Variants in MLIP observed in about 807,000 individuals in gnomAD.
The protein encoded by MLIP is muscular LMNA interacting protein.
MLIP carries 79 observed loss-of-function variants against 84.8 expected under a neutral mutation model. The observed-to-expected ratio is 0.93, with a 90% confidence interval of 0.78 to 1.12. MLIP has a LOEUF of 1.12. Ranked by LOEUF, MLIP falls within the 50% of genes most tolerant of loss-of-function variation. MLIP has a pLI of 0.00. For synonymous variants in MLIP, 504 were observed against 463.0 expected, an observed-to-expected ratio of 1.09 and a Z score of -1.14; for missense variants, 1,257 against 1,160.6, an observed-to-expected ratio of 1.08 and a Z score of -1.21.
intron 12 of MLIP, among the ~76,000 whole-genome samples, chr6:54,256,762 C>A (rs1476153544): frequency 6.6e-6 from 1 of 152,114 alleles, no homozygotes; most frequent in Non-Finnish European, 1.5e-5. Context: ...ATAATAACAT[C>A]ACCTGGTGAG....
At chr6:54,095,927 G>T (rs1199648700) in intron 1 of MLIP, among the ~76,000 whole-genome samples, 1 of 152,066 alleles carries the variant, frequency 6.6e-6, no homozygotes, top group Non-Finnish European at 1.5e-5. Context: ...AAATGGGCAG[G>T]TCCCTCCCAC....
rs758231342 is a variant in MLIP at position 54,231,489 on chromosome 6, CTGTCTGAG to C, written c.2922+576_2922+583del. Among the ~76,000 whole-genome samples the C allele has an allele frequency of 2.8e-3, 431 of 151,834 alleles. 2 individuals are homozygous for C. The highest frequency in any genetic ancestry group is 4.6e-3 in the Admixed American group (70 of 15,212). On this transcript the variant is annotated intron_variant, in intron 12 of 13. Coordinates refer to ENST00000502396, the MANE Select transcript of MLIP (RefSeq NM_001281747.2). ...TGTGCGTGTGTGTGCGTGTGTCTGT[CTGTCTGAG>C]TGTGTATGATACAAAACAAGTAAAA...
At chr6:54,178,837 T>C (rs1208532020) in intron 9 of MLIP, among the ~76,000 whole-genome samples, 1 of 152,204 alleles carries the variant, frequency 6.6e-6, no homozygotes, top group African/African-American at 2.4e-5. Flanking sequence ...GAATGATCCA[T>C]GTGCTAAGGA....
At chr6:54,241,851 A>G (rs1023156192) in intron 12 of MLIP, among the ~76,000 whole-genome samples, 1 of 152,186 alleles carries the variant, frequency 6.6e-6, no homozygotes, top group African/African-American at 2.4e-5. Context: ...GTGAGCAAAT[A>G]GATGTATTTT....
chr6:54,035,643 T>A (rs574495896), intron 1 of MLIP, among the ~76,000 whole-genome samples: 41 of 152,200 alleles, frequency 2.7e-4, no homozygotes, highest in Admixed American at 1.1e-3. Context: ...ATTATTATTT[T>A]TTGTTTTAGC....
At chr6:54,216,355 A>G (rs1419410276) in intron 11 of MLIP, 1 of 985,224 alleles carries the variant, frequency 1.0e-6, no homozygotes, top group African/African-American at 1.7e-5. Flanking sequence ...ACACCTCCAC[A>G]TGGGAAATAA....
intron 9 of MLIP, among the ~76,000 whole-genome samples, chr6:54,187,059 G>C (rs191062984): frequency 1.3e-5 from 2 of 152,264 alleles, no homozygotes; most frequent in African/African-American, 4.8e-5. Context: ...CTACATTCTT[G>C]GGTGATAAGA....
intron 1 of MLIP, among the ~76,000 whole-genome samples, chr6:54,026,653 A>G (rs1295299844): frequency 1.3e-5 from 2 of 151,976 alleles, no homozygotes; most frequent in Non-Finnish European, 2.9e-5. Context: ...TGAAAAAGCG[A>G]GTGTGTACAG....
chr6:54,110,895 A>T (rs1369923781), upstream of MLIP, among the ~76,000 whole-genome samples: 1 of 152,214 alleles, frequency 6.6e-6, no homozygotes, highest in Non-Finnish European at 1.5e-5. Context: ...TTTAGAGGTG[A>T]TTTTGTTAAT....
At chr6:54,154,867 G>C (rs566586528) in intron 5 of MLIP, among the ~76,000 whole-genome samples, 32 of 152,260 alleles carry the variant, frequency 2.1e-4, no homozygotes, top group African/African-American at 7.5e-4. Context: ...TACTGAAAGA[G>C]ATGAGGCAAA....
intron 8 of MLIP, among the ~76,000 whole-genome samples, chr6:54,168,569 C>T (rs1167712663): frequency 6.6e-6 from 1 of 151,604 alleles, no homozygotes; most frequent in East Asian, 1.9e-4. Context: ...TTCTGTTCAC[C>T]AATAAGTCCC....
chr6:54,082,882 T>A (rs1275494449), intron 1 of MLIP, among the ~76,000 whole-genome samples: 2 of 152,188 alleles, frequency 1.3e-5, no homozygotes, highest in Admixed American at 6.5e-5. Flanking sequence ...CTTTCTTGAT[T>A]TTATTACTGC....
chr6:54,252,237 T>TATATTATAACATATAATATATA (rs1582635087), intron 12 of MLIP, among the ~76,000 whole-genome samples: 3 of 111,654 alleles, frequency 2.7e-5, no homozygotes, highest in South Asian at 2.9e-4. Flanking sequence ...TAACATATAA[T>TATATTATAACATATAATATATA]ATATAAGTAT....
chr6:54,103,006 C>T lies in MLIP; in HGVS notation c.64-18441C>T, dbSNP rs373667088. 4.2e-4 allele frequency among the ~76,000 whole-genome samples: 64 copies of T among 152,134 alleles called. 1 individual carries two copies. The East Asian group carries it at 0.011, about 25-fold the overall frequency. The stretch of plus-strand genomic sequence containing the variant: ...GTTGTGTGTCAGAAATTATGTTAAC[C>T]TCATGATGTAAATTAAAATATTCAC... On this transcript the variant is annotated intron_variant, in intron 1 of 12. Transcript: ENST00000274897.
rs1779976666 is a variant in MLIP, at chr6:54,218,178, A to AG, written c.2719-12533dup. 12 of 188,772 alleles carry AG rather than the reference A, an allele frequency of 6.4e-5. No homozygotes were observed. In the South Asian group the frequency reaches 2.2e-3, roughly 34 times the overall value. The allele number at this position is 188,772 out of a possible 1,614,324, so 11.7% of individuals were successfully genotyped here. A position where few individuals can be genotyped will look rare whatever the true frequency, so the allele number is the denominator to read the frequency against. ...GATTTTGTCATTGTGTGAACATCAG[A>AG]GGGAATTACACAAATCCAGACAGTG... is the stretch of plus-strand genomic sequence containing the variant. On this transcript the variant is annotated intron_variant, in intron 11 of 13. Transcript: ENST00000502396.
At chr6:54,159,025 C>A (rs1300266071) in intron 5 of MLIP, among the ~76,000 whole-genome samples, 1 of 151,976 alleles carries the variant, frequency 6.6e-6, no homozygotes, top group Non-Finnish European at 1.5e-5. Flanking sequence ...CAGCTTCCTG[C>A]CTCAGTCTTT....
intron 1 of MLIP, among the ~76,000 whole-genome samples, chr6:54,052,999 G>A (rs1021324278): frequency 3.3e-5 from 5 of 152,110 alleles, no homozygotes; most frequent in African/African-American, 1.2e-4. Flanking sequence ...AAAATATGGT[G>A]GTCATTTCAG....
At chr6:54,077,037 C>A (rs1451377811) in intron 1 of MLIP, among the ~76,000 whole-genome samples, 1 of 152,170 alleles carries the variant, frequency 6.6e-6, no homozygotes, top group Non-Finnish European at 1.5e-5. Flanking sequence ...AGAACAAATA[C>A]TGAGAGAACC....
chr6:54,177,796 A>G (rs1776444531), intron 9 of MLIP, among the ~76,000 whole-genome samples: 1 of 152,210 alleles, frequency 6.6e-6, no homozygotes, highest in Non-Finnish European at 1.5e-5. Context: ...AATCAACCCA[A>G]ATGCCCATCA....
Sources: gnomAD v4.1 joint callset for allele counts (sites outside exome capture counted in the v4.1 genomes callset) on GRCh38, gnomAD v4.1.1 for gene constraint, MANE v1.5 for transcripts, NCBI Gene and HGNC (gene_info 2026-07-23, HGNC 2026-07-21) for gene names.